USP15: variants seen among roughly 807,000 people sequenced by gnomAD.
USP15 encodes the protein ubiquitin specific peptidase 15.
A neutral mutation model predicts 127.1 loss-of-function variants in USP15; 18 were observed. The ratio of observed to expected loss-of-function variants is 0.14; its 90% confidence interval spans 0.10 to 0.21. USP15 has a LOEUF of 0.21. USP15 is among the 10% of genes least tolerant of loss of function. USP15 has a pLI of 1.00. For synonymous variants in USP15, 364 were observed against 393.7 expected (o/e 0.92, Z 0.89); for missense variants, 805 against 1,159.9 (o/e 0.69, Z 4.44).
intron 8 of USP15, among the ~76,000 whole-genome samples, chr12:62,377,652 A>T (rs536848533): frequency 4.6e-5 from 7 of 151,800 alleles, no homozygotes; most frequent in Admixed American, 3.9e-4. Context: ...CCTGGGAGGC[A>T]GAGATTGCAG....
At chr12:62,307,734 T>C (rs763787354) in intron 3 of USP15, among the ~76,000 whole-genome samples, 2 of 152,144 alleles carry the variant, frequency 1.3e-5, no homozygotes, top group Non-Finnish European at 2.9e-5. Flanking sequence ...CACTATACAC[T>C]ACCTTCCCGT....
At chr12:62,306,149 A>G (rs1448079172) in intron 3 of USP15, 11 of 152,172 alleles carry the variant, frequency 7.2e-5, no homozygotes, top group Admixed American at 7.2e-4. Flanking sequence ...CCTCATGAGA[A>G]ACTCTACACC....
intron 4 of USP15, among the ~76,000 whole-genome samples, chr12:62,315,728 T>A (rs2064813306): frequency 6.6e-6 from 1 of 152,190 alleles, no homozygotes; most frequent in African/African-American, 2.4e-5. Flanking sequence ...TAAGATTTCC[T>A]TGTTGGAACC....
chr12:62,264,855 G>A (rs976248202), intron 1 of USP15, among the ~76,000 whole-genome samples: 2 of 152,120 alleles, frequency 1.3e-5, no homozygotes, highest in African/African-American at 4.8e-5. Context: ...TTTAAAATTA[G>A]TTTCAGTAGT....
chr12:62,375,175 A>G (rs2066787019), intron 8 of USP15, among the ~76,000 whole-genome samples: 1 of 152,144 alleles, frequency 6.6e-6, no homozygotes, highest in South Asian at 2.1e-4. Context: ...TCTTCATAAA[A>G]ATATATTTCC....
intron 11 of USP15, among the ~76,000 whole-genome samples, chr12:62,384,621 A>G (rs2067091506): frequency 8.6e-6 from 1 of 116,412 alleles, no homozygotes; most frequent in Non-Finnish European, 1.8e-5. Context: ...TTTAAACTTC[A>G]ACTTTCTTTA....
intron 3 of USP15, among the ~76,000 whole-genome samples, chr12:62,311,501 G>A (rs991475851): frequency 1.3e-5 from 2 of 151,718 alleles, no homozygotes; most frequent in South Asian, 4.1e-4. Flanking sequence ...GAAAGTAGCC[G>A]TAAACATAAA....
intron 2 of USP15, among the ~76,000 whole-genome samples, chr12:62,301,027 G>A (rs2064301692): frequency 6.6e-6 from 1 of 152,022 alleles, no homozygotes; most frequent in African/African-American, 2.4e-5. Context: ...AACTCATTTT[G>A]AAGAAAACGT....
In USP15 at chr12:62,386,777, A is replaced by T. The variant is rs138728537; in HGVS notation, c.1473+2475A>T. ...TATTAAGTATAGATATTATATGGCCACAATTATGTTTCAGAAAGATGATTC... is the reference window on the plus strand; with the variant it reads ...TATTAAGTATAGATATTATATGGCCTCAATTATGTTTCAGAAAGATGATTC... On this transcript the variant is annotated intron_variant, in intron 11 of 21. Transcript: ENST00000280377. Among the ~76,000 whole-genome samples, 208 of 152,274 alleles carry T rather than the reference A, an allele frequency of 1.4e-3. 2 individuals carry two copies. The highest frequency in any genetic ancestry group is 4.5e-3 in the African/African-American group (189 of 41,578).
intron 6 of USP15, among the ~76,000 whole-genome samples, chr12:62,337,544 G>A (rs931477659): frequency 1.8e-4 from 27 of 151,980 alleles, no homozygotes; most frequent in Admixed American, 6.6e-4. Context: ...TGCATGTGCC[G>A]TGGTAGTTTG....
At chr12:62,302,049 T>C (rs2064336694) in intron 2 of USP15, among the ~76,000 whole-genome samples, 1 of 152,200 alleles carries the variant, frequency 6.6e-6, no homozygotes, top group Non-Finnish European at 1.5e-5. Context: ...AGCTAGAAAT[T>C]TGAAAGTGGA....
At chr12:62,281,739 T>C (rs965639457) in intron 1 of USP15, among the ~76,000 whole-genome samples, 1 of 152,158 alleles carries the variant, frequency 6.6e-6, no homozygotes, top group African/African-American at 2.4e-5. Context: ...GAAGATAGTA[T>C]TGAAAGCAAT....
rs58192089 is a variant in USP15, at chr12:62,388,117, ATTTTTTTTTTTT to A, written c.1474-1300_1474-1289del. Among the ~76,000 whole-genome samples, 22 of 106,586 alleles carry A rather than the reference ATTTTTTTTTTTT, an allele frequency of 2.1e-4. 1 individual carries two copies. The highest frequency in any genetic ancestry group is 4.8e-3 in the Middle Eastern group (1 of 208). 69.9% of individuals were successfully genotyped at this position (106,586 alleles called of 152,430 possible). On this transcript the variant is annotated intron_variant, in intron 11 of 21. Coordinates refer to ENST00000280377, the MANE Select transcript of USP15 (RefSeq NM_001252078.2). ...ATAGGAAGCCTAAAGAATGGTGAAGATTTTTTTTTTTTTTTTTTTTTTTTTGTTAATGAGACA... is the reference window on the plus strand; with the variant it reads ...ATAGGAAGCCTAAAGAATGGTGAAGATTTTTTTTTTTTTGTTAATGAGACA...
At chr12:62,326,048 GT>G in intron 6 of USP15, 115 bp downstream of exon 6, 1 of 827,782 alleles carries the variant, frequency 1.2e-6, no homozygotes, top group Non-Finnish European at 1.8e-6. Context: ...TTCATGCCTT[GT>G]TTATATTTGA....
chr12:62,389,940 G>T lies in USP15; in HGVS notation c.1796G>T (p.Arg599Leu). The T allele has an allele frequency of 6.2e-7, 1 of 1,613,180 alleles. No individual in the cohort carries two copies. The change falls in exon 14 of 22, where the codon CGA becomes CTA. Residue 599 changes from arginine (R) to leucine (L), a missense_variant. Physicochemically the swap from Arg to Leu is moderately radical, Grantham distance 102. Transcript: ENST00000280377. ...FGQPFLMAVP[R>L]NNTEDKLYNL... ...CAGCCCTTTCTTATGGCTGTACCAC[G>T]AAACAATACTGAAGACAAACTTTAT...
chr12:62,332,266 C>T (rs1305914209), intron 6 of USP15, among the ~76,000 whole-genome samples: 3 of 151,282 alleles, frequency 2.0e-5, no homozygotes, highest in South Asian at 2.1e-4. Context: ...ATTTTTAACA[C>T]TACTTGTTTT....
intron 7 of USP15, among the ~76,000 whole-genome samples, chr12:62,354,538 T>G (rs2066060297): frequency 6.6e-6 from 1 of 151,968 alleles, no homozygotes; most frequent in South Asian, 2.1e-4. Flanking sequence ...AAATTATTTT[T>G]TATTATATGC....
rs2068062586 is a variant in USP15, at chr12:62,412,499, T to TC, written c.*8125dup. 6.4e-6 allele frequency: 1 copy of TC among 156,428 alleles called. No homozygotes were observed. Among genetic ancestry groups the TC allele is most frequent in the Non-Finnish European group, 1.4e-5 (1 of 71,388 alleles). 9.7% of individuals were successfully genotyped at this position (156,428 alleles called of 1,614,324 possible). ...GAACTTCTTTCACAATTGGAGTTAA[T>TC]CTTCTAAAGCCCCGCCACTGCTTCA... On this transcript the variant is annotated 3_prime_UTR_variant, in exon 22 of 22. Coordinates refer to ENST00000280377, the MANE Select transcript of USP15 (RefSeq NM_001252078.2).
At chr12:62,367,912 A>G (rs1411780062) in intron 8 of USP15, among the ~76,000 whole-genome samples, 1 of 152,052 alleles carries the variant, frequency 6.6e-6, no homozygotes, top group Non-Finnish European at 1.5e-5. Flanking sequence ...TAGGGTGTCA[A>G]TTTTAGATCT....
Sources: allele counts gnomAD v4.1 joint callset (sites outside exome capture counted in the v4.1 genomes callset), GRCh38; gene constraint gnomAD v4.1.1; transcripts MANE v1.5; gene names NCBI Gene and HGNC (gene_info 2026-07-23, HGNC 2026-07-21).